Variants in PTPRN2 observed in about 807,000 individuals in gnomAD.
PTPRN2 encodes the protein receptor-type tyrosine-protein phosphatase N2.
A neutral mutation model predicts 118.8 loss-of-function variants in PTPRN2; 74 were observed. The ratio of observed to expected loss-of-function variants is 0.62; its 90% confidence interval spans 0.52 to 0.76. The LOEUF (loss-of-function observed/expected upper bound fraction) is 0.76. PTPRN2 is among the 30% of genes least tolerant of loss of function. The pLI is 0.00. For synonymous variants in PTPRN2, 641 were observed against 608.0 expected, an observed-to-expected ratio of 1.05 and a Z score of -0.80; for missense variants, 1,481 against 1,394.4, an observed-to-expected ratio of 1.06 and a Z score of -0.99.
At chr7:158,377,597 A>G (rs2151334731) in intron 2 of PTPRN2, among the ~76,000 whole-genome samples, 1 of 152,274 alleles carries the variant, frequency 6.6e-6, no homozygotes, top group East Asian at 1.9e-4. Context: ...ATGCACACAC[A>G]ATTTTCCCGG....
intron 12 of PTPRN2, among the ~76,000 whole-genome samples, chr7:157,744,298 C>T (rs75478675): frequency 0.16 from 24,377 of 152,070 alleles, 2,515 homozygotes; most frequent in Non-Finnish European, 0.23. Flanking sequence ...TCCCAGACAT[C>T]GAAGGAGATT....
At chr7:157,935,005 G>A (rs1799613147) in intron 11 of PTPRN2, among the ~76,000 whole-genome samples, 1 of 152,212 alleles carries the variant, frequency 6.6e-6, no homozygotes, top group African/African-American at 2.4e-5. Flanking sequence ...GCTGTTTCTA[G>A]TGAAGAATGA....
chr7:157,724,956 A>G (rs911512169), intron 12 of PTPRN2, among the ~76,000 whole-genome samples: 9 of 152,238 alleles, frequency 5.9e-5, no homozygotes, highest in African/African-American at 1.9e-4. Context: ...AAATATTATC[A>G]ATATTTTAAA....
intron 12 of PTPRN2, among the ~76,000 whole-genome samples, chr7:157,684,729 C>G (rs1037497813): frequency 6.6e-6 from 1 of 152,058 alleles, no homozygotes; most frequent in African/African-American, 2.4e-5. Flanking sequence ...CGCCCCTCCC[C>G]GGGCACAGCC....
At chr7:158,106,984 T>C (rs905349439) in intron 10 of PTPRN2, among the ~76,000 whole-genome samples, 5 of 152,188 alleles carry the variant, frequency 3.3e-5, no homozygotes, top group African/African-American at 1.2e-4. Flanking sequence ...AAATCTGTCC[T>C]GTGTGGTTTC....
chr7:158,244,009 C>G (rs1035980131), intron 3 of PTPRN2, among the ~76,000 whole-genome samples: 1 of 152,198 alleles, frequency 6.6e-6, no homozygotes, highest in African/African-American at 2.4e-5. Context: ...AAGCAACAGT[C>G]TCTACTTAGT....
chr7:158,101,879 G>A (rs1010203625), intron 10 of PTPRN2, among the ~76,000 whole-genome samples: 26 of 152,184 alleles, frequency 1.7e-4, no homozygotes, highest in Admixed American at 6.5e-5. Flanking sequence ...CCCAGGGGAT[G>A]TTACTGGGGG....
At chr7:158,473,388 T>G (rs1476757980) in intron 2 of PTPRN2, among the ~76,000 whole-genome samples, 2 of 152,206 alleles carry the variant, frequency 1.3e-5, no homozygotes, top group African/African-American at 4.8e-5. Flanking sequence ...ACGAGCTGTT[T>G]CGGGAGGCTA....
At chr7:157,916,866 A>G (rs1331136127) in intron 11 of PTPRN2, among the ~76,000 whole-genome samples, 1 of 112,744 alleles carries the variant, frequency 8.9e-6, no homozygotes, top group African/African-American at 3.7e-5. Context: ...CGTCCAACAC[A>G]CATCTCCCTC....
intron 11 of PTPRN2, among the ~76,000 whole-genome samples, chr7:158,050,612 C>T (rs975550324): frequency 6.6e-6 from 1 of 152,184 alleles, no homozygotes; most frequent in African/African-American, 2.4e-5. Flanking sequence ...CTCCCAGGTG[C>T]CAGGAGCACA....
Position 157,991,262 on chromosome 7 carries a change from G to A in PTPRN2, c.1723+90036C>T, listed in dbSNP as rs1208480535. ...TCCCATCCTCGGAGGGTGGCTAAGG[G>A]GATCCCCAAGAAAGTACCCGGACAA... On this transcript the variant is annotated intron_variant, in intron 11 of 22. Coordinates refer to ENST00000389418, the MANE Select transcript of PTPRN2 (RefSeq NM_002847.5). Among the ~76,000 whole-genome samples, 3 of 152,316 alleles carry A rather than the reference G, an allele frequency of 2.0e-5. No homozygotes were observed. In the South Asian group the frequency reaches 6.2e-4, roughly 32 times the overall value.
chr7:158,147,503 G>T (rs62480216), intron 6 of PTPRN2, among the ~76,000 whole-genome samples: 1,689 of 33,846 alleles, frequency 0.05, no homozygotes, highest in Middle Eastern at 0.12. Flanking sequence ...CCCATCTCAC[G>T]CCACAGGTCT....
intron 14 of PTPRN2, among the ~76,000 whole-genome samples, chr7:157,635,069 CA>C (rs1804227328): frequency 6.6e-6 from 1 of 152,224 alleles, no homozygotes; most frequent in Non-Finnish European, 1.5e-5. Context: ...TCCACAGCGA[CA>C]CGGGCTCTAA....
chr7:158,204,494 G>A (rs931942779), intron 4 of PTPRN2, among the ~76,000 whole-genome samples: 4 of 152,122 alleles, frequency 2.6e-5, no homozygotes, highest in Non-Finnish European at 4.4e-5. Context: ...AGGGAAAAAT[G>A]AACTTTTCAA....
At chr7:157,608,024 G>A (rs1239896579) in intron 15 of PTPRN2, among the ~76,000 whole-genome samples, 2 of 152,094 alleles carry the variant, frequency 1.3e-5, no homozygotes, top group African/African-American at 2.4e-5. Context: ...CTTCCTGATC[G>A]CATATTTGAT....
At chr7:157,584,939 T>C (rs1563234418) in intron 17 of PTPRN2, among the ~76,000 whole-genome samples, 4 of 152,152 alleles carry the variant, frequency 2.6e-5, no homozygotes, top group Admixed American at 6.5e-5. Flanking sequence ...AGTCACAGGC[T>C]CCAGGCCACA....
chr7:158,293,031 G>A (rs1800222290), intron 3 of PTPRN2, among the ~76,000 whole-genome samples: 1 of 152,114 alleles, frequency 6.6e-6, no homozygotes, highest in South Asian at 2.1e-4. Flanking sequence ...TCACGTCACT[G>A]CACTCCAGCC....
chr7:158,366,246 G>A (rs6967491), intron 2 of PTPRN2, among the ~76,000 whole-genome samples: 99,138 of 111,770 alleles, frequency 0.89, 44,499 homozygotes, highest in South Asian at 0.94. Flanking sequence ...CAATGCACGC[G>A]TGCACATGCA....
At chr7:158,176,308 T>C (rs1040838284) in intron 5 of PTPRN2, among the ~76,000 whole-genome samples, 1 of 152,012 alleles carries the variant, frequency 6.6e-6, no homozygotes, top group Non-Finnish European at 1.5e-5. Flanking sequence ...ATTCACTGAG[T>C]GCTACACCAG....
Sources: gnomAD v4.1 joint callset for allele counts (sites outside exome capture counted in the v4.1 genomes callset) on GRCh38, gnomAD v4.1.1 for gene constraint, MANE v1.5 for transcripts, NCBI Gene and HGNC (gene_info 2026-07-23, HGNC 2026-07-21) for gene names.